Variants in SORCS2 observed in about 807,000 individuals in gnomAD.
SORCS2 encodes sortilin related VPS10 domain containing receptor 2, also known as VPS10 domain-containing receptor SorCS2.
In SORCS2, 100 loss-of-function variants were observed where a neutral mutation model predicts 141.6. That is an observed-to-expected ratio of 0.71 (90% confidence interval 0.60 to 0.83). The LOEUF (loss-of-function observed/expected upper bound fraction) is 0.83, where lower values mean the gene tolerates loss of function less well. SORCS2 is among the 40% of genes least tolerant of loss of function. The pLI, the probability that SORCS2 is intolerant of heterozygous loss-of-function variation, is 0.00. For missense variants in SORCS2, 1,646 were observed against 1,560.2 expected, an observed-to-expected ratio of 1.05 and a Z score of -0.93; for synonymous variants, 789 against 676.9, an observed-to-expected ratio of 1.17 and a Z score of -2.57.
chr4:7,457,429 G>A (rs1042274474), intron 2 of SORCS2, among the ~76,000 whole-genome samples: 1 of 149,106 alleles, frequency 6.7e-6, no homozygotes, highest in Admixed American at 6.6e-5. Context: ...GCAGGTGTGA[G>A]CTGCAGCCAG....
At chr4:7,255,784 C>T (rs545461522) in intron 1 of SORCS2, among the ~76,000 whole-genome samples, 99 of 152,162 alleles carry the variant, frequency 6.5e-4, no homozygotes, top group Admixed American at 1.7e-3. Flanking sequence ...CTGGGCAGAG[C>T]GGCTGTGCAG....
At chr4:7,551,269 G>A (rs1312468798) in intron 3 of SORCS2, among the ~76,000 whole-genome samples, 2 of 126,570 alleles carry the variant, frequency 1.6e-5, no homozygotes, top group African/African-American at 5.5e-5. Flanking sequence ...GTAATCCTCA[G>A]GCCAGAGTTC....
chr4:7,671,826 T>C lies in SORCS2; in HGVS notation c.1162-4224T>C, dbSNP rs1722814902. ...TAATGGCCCAAAACTCCCCCATCAA[T>C]TTATATTGATGAAAGACATGAATAT... On this transcript the variant is annotated intron_variant, in intron 8 of 26. Coordinates refer to ENST00000507866, the MANE Select transcript of SORCS2 (RefSeq NM_020777.3). Among the ~76,000 whole-genome samples the C allele has an allele frequency of 2.6e-5, 4 of 152,204 alleles. No individual in the cohort carries two copies. The South Asian group carries it at 8.3e-4, about 32-fold the overall frequency.
intron 1 of SORCS2, among the ~76,000 whole-genome samples, chr4:7,287,085 G>GTT (rs998786388): frequency 6.6e-6 from 1 of 152,204 alleles, no homozygotes; most frequent in Non-Finnish European, 1.5e-5. Flanking sequence ...AGCCTTCTGT[G>GTT]TTGACTTCAT....
intron 2 of SORCS2, among the ~76,000 whole-genome samples, chr4:7,459,598 C>T (rs1420630571): frequency 6.6e-6 from 1 of 152,206 alleles, no homozygotes; most frequent in Non-Finnish European, 1.5e-5. Flanking sequence ...AGGCAGCCGC[C>T]TCTCAGAGCT....
At chr4:7,708,130 T>C (rs762128661) in intron 14 of SORCS2, among the ~76,000 whole-genome samples, 8 of 152,198 alleles carry the variant, frequency 5.3e-5, no homozygotes, top group Non-Finnish European at 1.2e-4. Context: ...GTCTGTAGCA[T>C]GGGGACTTAA....
At chr4:7,638,928 T>C (rs1261919648) in intron 4 of SORCS2, among the ~76,000 whole-genome samples, 1 of 152,212 alleles carries the variant, frequency 6.6e-6, no homozygotes. Flanking sequence ...GAGCGGTGGC[T>C]TGTTCTTCCC....
At chr4:7,396,802 A>G (rs952314399) in intron 2 of SORCS2, among the ~76,000 whole-genome samples, 7 of 152,204 alleles carry the variant, frequency 4.6e-5, no homozygotes, top group Non-Finnish European at 8.8e-5. Flanking sequence ...TTGGTAAATA[A>G]ATAAGCCACT....
intron 14 of SORCS2, 130 bp from the exon 15 acceptor site, chr4:7,712,599 CAGCA>C: frequency 7.5e-7 from 1 of 1,339,282 alleles, no homozygotes; most frequent in Non-Finnish European, 1.0e-6. Context: ...CTCTGATCTC[CAGCA>C]AGGGCAGGAG....
chr4:7,487,916 A>AT (rs755183579), intron 2 of SORCS2, among the ~76,000 whole-genome samples: 175 of 152,224 alleles, frequency 1.1e-3, no homozygotes, highest in South Asian at 5.2e-3. Flanking sequence ...CATCAGGCAT[A>AT]GCCTGATGTC....
intron 2 of SORCS2, among the ~76,000 whole-genome samples, chr4:7,523,221 C>T (rs181594434): frequency 1.2e-4 from 19 of 152,190 alleles, no homozygotes; most frequent in Admixed American, 1.2e-3. Flanking sequence ...GCTCAGGAGC[C>T]ACTAGGACCG....
In SORCS2 at chr4:7,292,913, C is replaced by T. The variant is rs184639440; in HGVS notation, c.480+99787C>T. Among the ~76,000 whole-genome samples, 164 of 152,288 alleles carry T rather than the reference C, an allele frequency of 1.1e-3. 1 individual carries two copies. The highest frequency in any genetic ancestry group is 2.0e-3 in the Non-Finnish European group (138 of 68,030). On this transcript the variant is annotated intron_variant, in intron 1 of 26. Coordinates refer to ENST00000507866, the MANE Select transcript of SORCS2 (RefSeq NM_020777.3). ...ATGCTTATTAGAAAATACAGAAAAGCAGAGAGAAGAAGAGTGGTCCATGCA... is the reference window on the plus strand; with the variant it reads ...ATGCTTATTAGAAAATACAGAAAAGTAGAGAGAAGAAGAGTGGTCCATGCA...
intron 1 of SORCS2, among the ~76,000 whole-genome samples, chr4:7,199,607 CTG>C (rs990726038): frequency 6.6e-6 from 1 of 151,968 alleles, no homozygotes; most frequent in African/African-American, 2.4e-5. Flanking sequence ...CAGACTCACT[CTG>C]TGGCCTGGGT....
chr4:7,728,239 A>G (rs1727355124), intron 21 of SORCS2, 111 bp from the exon 22 acceptor site: 1 of 680,426 alleles, frequency 1.5e-6, no homozygotes, highest in Non-Finnish European at 2.5e-6. Context: ...ATCTGAATCA[A>G]AGGCCTCCCG....
At chr4:7,249,259 G>A (rs1713322906) in intron 1 of SORCS2, among the ~76,000 whole-genome samples, 1 of 152,194 alleles carries the variant, frequency 6.6e-6, no homozygotes, top group Admixed American at 6.5e-5. Context: ...TGGAATGGCT[G>A]GAAGAGCTTG....
intron 19 of SORCS2, among the ~76,000 whole-genome samples, chr4:7,724,124 G>GTGGTGGTGGTGATGGTGGTGA (rs1560112863): frequency 1.9e-4 from 26 of 139,702 alleles, no homozygotes; most frequent in Admixed American, 2.8e-4. Flanking sequence ...GATGGTGGTG[G>GTGGTGGTGGTGATGGTGGTGA]TGGTGGTGGT....
At chr4:7,714,059 T>A (rs1009545946) in intron 15 of SORCS2, among the ~76,000 whole-genome samples, 181 bp from the exon 16 acceptor site, 1 of 152,276 alleles carries the variant, frequency 6.6e-6, no homozygotes, top group African/African-American at 2.4e-5. Context: ...TGGGTTGGGA[T>A]GAGAGGGAGG....
chr4:7,401,936 ACC>A (rs1724620615), intron 2 of SORCS2, among the ~76,000 whole-genome samples: 1 of 152,198 alleles, frequency 6.6e-6, no homozygotes. Flanking sequence ...CCTGAAAAGT[ACC>A]TACCATGGTA....
Position 7,640,032 on chromosome 4 carries a change from AGT to A in SORCS2, c.813+1544_813+1545del, listed in dbSNP as rs948807047. Among the ~76,000 whole-genome samples, 9 of 142,030 alleles carry A rather than the reference AGT, an allele frequency of 6.3e-5. No homozygotes were observed. The East Asian group carries it at 2.0e-3, about 31-fold the overall frequency. The allele number at this position is 142,030 out of a possible 152,430, so 93.2% of individuals were successfully genotyped here. On this transcript the variant is annotated intron_variant, in intron 4 of 26. Coordinates refer to ENST00000507866, the MANE Select transcript of SORCS2 (RefSeq NM_020777.3). Reference sequence around the variant, plus strand: ...GCATGTCTGTGGGAGTGTGTACGTGAGTGTGCATGTGTGAGAGTGTGAGTGTG... The same window carrying A: ...GCATGTCTGTGGGAGTGTGTACGTGAGTGCATGTGTGAGAGTGTGAGTGTG...
Sources: allele counts gnomAD v4.1 joint callset (sites outside exome capture counted in the v4.1 genomes callset), GRCh38; gene constraint gnomAD v4.1.1; transcripts MANE v1.5; gene names NCBI Gene and HGNC (gene_info 2026-07-23, HGNC 2026-07-21).